MMRN1: variants seen among roughly 807,000 people sequenced by gnomAD.
MMRN1 encodes multimerin 1.
A neutral mutation model predicts 100.7 loss-of-function variants in MMRN1; 94 were observed. That is an observed-to-expected ratio of 0.93 (90% CI 0.79 to 1.11). The LOEUF (loss-of-function observed/expected upper bound fraction) is 1.11, where lower values mean the gene tolerates loss of function less well. MMRN1 is among the 50% of genes least tolerant of loss of function. The pLI is 0.00. For missense variants in MMRN1, 1,606 were observed against 1,439.1 expected (o/e 1.12, Z -1.88); for synonymous variants, 575 against 505.0 (o/e 1.14, Z -1.86).
rs369702396 is a variant in MMRN1, at chr4:89,953,151, G to A, written c.3420G>A (p.Pro1140=). 31 of 1,613,590 alleles carry A rather than the reference G, an allele frequency of 1.9e-5. No homozygotes were observed. The highest frequency in any genetic ancestry group is 5.5e-5 in the South Asian group (5 of 91,082). ...CAAGAACTGGAAAATTTAGAATTCC[G>A]TATCTTGGAGTATATGTTTTCAAGT... ...YTPRTGKFRI[P]YLGVYVFKYT... is the part of the protein sequence containing the mutation. Residue 1140 remains proline, a synonymous_variant, in exon 8 of 8, where the codon CCG becomes CCA. Transcript: ENST00000264790.
chr4:89,913,665 C>T (rs1399723069), intron 3 of MMRN1, among the ~76,000 whole-genome samples: 2 of 151,134 alleles, frequency 1.3e-5, no homozygotes, highest in Non-Finnish European at 3.0e-5. Context: ...CTAATGACAC[C>T]TTATATCCTA....
chr4:89,948,390 A>G (rs1011858897), intron 6 of MMRN1, among the ~76,000 whole-genome samples: 1 of 152,198 alleles, frequency 6.6e-6, no homozygotes, highest in African/African-American at 2.4e-5. Flanking sequence ...ATAAAACTGA[A>G]TGCTTTCTAT....
chr4:89,889,864 A>G (rs1187534332), upstream of MMRN1, among the ~76,000 whole-genome samples: 6 of 152,068 alleles, frequency 3.9e-5, no homozygotes, highest in South Asian at 1.2e-3. Flanking sequence ...AACAATCTCT[A>G]GTACATTCTC....
At chr4:89,939,083 T>G (rs936759337) in intron 6 of MMRN1, among the ~76,000 whole-genome samples, 1 of 152,082 alleles carries the variant, frequency 6.6e-6, no homozygotes, top group Non-Finnish European at 1.5e-5. Flanking sequence ...ATGAAACCAG[T>G]GGACTCAGGC....
In MMRN1 at chr4:89,894,986, A is replaced by T. The variant is rs1378321808; in HGVS notation, c.15A>T (p.Arg5Ser). 3 of 1,610,882 alleles carry T rather than the reference A, an allele frequency of 1.9e-6. No homozygotes were observed. The Admixed American group carries it at 5.0e-5, about 27-fold the overall frequency. Residue 5 changes from arginine to serine, a missense_variant, in exon 1 of 8, where the codon AGA becomes AGT. By Grantham distance (110) the Arg-to-Ser change is moderately radical (BLOSUM62 -1). Transcript: ENST00000264790. ...AAACTACTGAGATGAAGGGGGCAAG[A>T]TTATTTGTCCTTCTTTCTAGTTTAT... MKGA[R>S]LFVLLSSLWS...
chr4:89,940,318 T>C (rs1722781987), intron 6 of MMRN1, among the ~76,000 whole-genome samples: 1 of 152,090 alleles, frequency 6.6e-6, no homozygotes, highest in Admixed American at 6.6e-5. Flanking sequence ...TTCTCTAATG[T>C]TTATCAATTT....
At chr4:89,902,490 G>A (rs890081199) in intron 1 of MMRN1, among the ~76,000 whole-genome samples, 1 of 151,834 alleles carries the variant, frequency 6.6e-6, no homozygotes, top group Non-Finnish European at 1.5e-5. Context: ...CTTTAAAATT[G>A]GAAAATAGGT....
chr4:89,934,953 C>T lies in MMRN1; in HGVS notation c.1273C>T (p.Gln425Ter). The change falls in exon 6 of 8, where the codon CAA becomes TAA. Residue 425 changes from glutamine (Q) to a stop codon, truncating the protein, a stop_gained. Coordinates refer to ENST00000264790, the MANE Select transcript of MMRN1 (RefSeq NM_007351.3). LOFTEE classifies it high-confidence loss of function. The stretch of plus-strand genomic sequence containing the variant: ...ATCAGAGGACCTCGAAAGCACCAGG[C>T]AAATAATTCAAAAAGTTAATGAATC... ...SLSEDLESTRQIIQKVNESVV... is the reference protein window; with the variant it reads ...SLSEDLESTR The T allele has an allele frequency of 6.2e-7, 1 of 1,613,640 alleles. No homozygotes were observed. The highest frequency in any genetic ancestry group is 8.5e-7 in the Non-Finnish European group (1 of 1,179,772).
At chr4:89,896,697 A>G (rs6812192) in intron 1 of MMRN1, among the ~76,000 whole-genome samples, 75,908 of 151,920 alleles carry the variant, frequency 0.5, 19,107 homozygotes, top group Admixed American at 0.52. Flanking sequence ...TATGTGAAAG[A>G]CATTTAGTTA....
chr4:89,926,313 A>T (rs1722257279), intron 4 of MMRN1, among the ~76,000 whole-genome samples: 1 of 152,174 alleles, frequency 6.6e-6, no homozygotes, highest in Non-Finnish European at 1.5e-5. Flanking sequence ...CTTTGGATAT[A>T]AGCCATTTTA....
At chr4:89,919,735 A>G (rs896750515) in intron 3 of MMRN1, among the ~76,000 whole-genome samples, 1 of 152,026 alleles carries the variant, frequency 6.6e-6, no homozygotes, top group African/African-American at 2.4e-5. Context: ...AAAAATTCAT[A>G]CTCAAGATAC....
intron 3 of MMRN1, among the ~76,000 whole-genome samples, chr4:89,913,240 G>A (rs893057583): frequency 2.0e-5 from 3 of 151,384 alleles, no homozygotes; most frequent in African/African-American, 7.2e-5. Context: ...TTCTGTTTCT[G>A]AAATCTGTAT....
At chr4:89,938,501 ATATATATATAT>A (rs1332531210) in intron 6 of MMRN1, among the ~76,000 whole-genome samples, 2 of 93,640 alleles carry the variant, frequency 2.1e-5, no homozygotes, top group Non-Finnish European at 2.1e-5. Flanking sequence ...ATATATATAT[ATATATATATAT>A]TTAAAATATA....
At chr4:89,920,075 C>T (rs999537868) in intron 3 of MMRN1, among the ~76,000 whole-genome samples, 1 of 152,228 alleles carries the variant, frequency 6.6e-6, no homozygotes, top group Middle Eastern at 3.4e-3. Context: ...CATCACATAT[C>T]CTACAAAATA....
At chr4:89,902,783 A>C (rs1190511946) in intron 1 of MMRN1, among the ~76,000 whole-genome samples, 1 of 152,016 alleles carries the variant, frequency 6.6e-6, no homozygotes, top group Non-Finnish European at 1.5e-5. Context: ...AAGTATCTAA[A>C]ATTCCCCATA....
chr4:89,880,468 A>G (rs1415960603), intron 1 of MMRN1, among the ~76,000 whole-genome samples: 1 of 152,148 alleles, frequency 6.6e-6, no homozygotes, highest in Non-Finnish European at 1.5e-5. Context: ...CTGCCCTTCT[A>G]TTGGCATCAG....
chr4:89,948,413 T>C (rs1012887451), intron 6 of MMRN1, among the ~76,000 whole-genome samples: 9 of 152,206 alleles, frequency 5.9e-5, no homozygotes, highest in African/African-American at 2.2e-4. Context: ...ACAGAGATGG[T>C]AACTCATGTC....
intron 1 of MMRN1, among the ~76,000 whole-genome samples, chr4:89,907,899 T>G (rs1721621642): frequency 6.6e-6 from 1 of 151,100 alleles, no homozygotes; most frequent in South Asian, 2.1e-4. Flanking sequence ...TTTCTCATAG[T>G]TAGTTTTGTC....
chr4:89,936,795 C>T lies in MMRN1; in HGVS notation c.3115C>T (p.Pro1039Ser), dbSNP rs909033468. The T allele has an allele frequency of 1.3e-6, 2 of 1,578,352 alleles. No individual in the cohort carries two copies. The highest frequency in any genetic ancestry group is 2.7e-5 in the African/African-American group (2 of 73,090). The change falls in exon 6 of 8, where the codon CCT becomes TCT. Residue 1039 changes from proline to serine, a missense_variant. By Grantham distance (74) the Pro-to-Ser change is moderately conservative. Transcript: ENST00000264790. ...AAGAAACACGGACAACATAATATAT[C>T]CTGGTAAGCTGTTACTGAAAAGTAA... The part of the protein sequence containing the change: ...TQRNTDNIIY[P>S]EEYSSCSRHP...
Sources: gnomAD v4.1 joint callset for allele counts (sites outside exome capture counted in the v4.1 genomes callset) on GRCh38, gnomAD v4.1.1 for gene constraint, MANE v1.5 for transcripts, NCBI Gene and HGNC (gene_info 2026-07-23, HGNC 2026-07-21) for gene names.